PTDSS2: variants seen among roughly 807,000 people sequenced by gnomAD.
PTDSS2 encodes PSS-2.
In PTDSS2, 41 loss-of-function variants were observed where a neutral mutation model predicts 64.7. The observed-to-expected ratio is 0.63, with a 90% confidence interval of 0.49 to 0.82. The LOEUF (loss-of-function observed/expected upper bound fraction) is 0.82, where lower values mean the gene tolerates loss of function less well. PTDSS2 is among the 40% of genes least tolerant of loss of function. The pLI is 0.00. For missense variants in PTDSS2, 485 were observed against 650.0 expected, an observed-to-expected ratio of 0.75 and a Z score of 2.76; for synonymous variants, 297 against 277.8, an observed-to-expected ratio of 1.07 and a Z score of -0.69.
intron 1 of PTDSS2, among the ~76,000 whole-genome samples, chr11:452,517 G>A (rs1846383259): frequency 1.3e-5 from 2 of 152,232 alleles, no homozygotes; most frequent in South Asian, 2.1e-4. Flanking sequence ...ACGGCTGGGC[G>A]CAGCAGAGCT....
intron 2 of PTDSS2, among the ~76,000 whole-genome samples, chr11:473,119 C>A (rs1443798549): frequency 1.3e-5 from 2 of 152,262 alleles, no homozygotes; most frequent in African/African-American, 4.8e-5. Flanking sequence ...CCGGCCTAAG[C>A]TGCTGCTCAC....
intron 1 of PTDSS2, among the ~76,000 whole-genome samples, chr11:452,952 A>G (rs1846410090): frequency 6.6e-6 from 1 of 151,854 alleles, no homozygotes; most frequent in South Asian, 2.1e-4. Flanking sequence ...GCTGGTCTTC[A>G]ACTCCTGGCC....
upstream of PTDSS2, chr11:448,469 G>C (rs772324612): frequency 6.6e-6 from 1 of 152,228 alleles, no homozygotes. Flanking sequence ...GGACCTGAAG[G>C]ATGGTTCACA....
At chr11:464,427 C>T (rs1336697366) in intron 2 of PTDSS2, among the ~76,000 whole-genome samples, 2 of 152,056 alleles carry the variant, frequency 1.3e-5, no homozygotes, top group Admixed American at 1.3e-4. Context: ...GTTCACTGTT[C>T]CCTGCGCTCA....
intron 1 of PTDSS2, among the ~76,000 whole-genome samples, chr11:458,406 C>T (rs370251175): frequency 2.0e-5 from 3 of 151,488 alleles, no homozygotes; most frequent in South Asian, 2.1e-4. Context: ...GGGGTTTCAC[C>T]GTGTTAGCCA....
intron 11 of PTDSS2, 86 bp from the exon 12 acceptor site, chr11:490,334 C>T: frequency 6.3e-7 from 1 of 1,582,680 alleles, no homozygotes; most frequent in Admixed American, 1.7e-5. Flanking sequence ...TTCCGGACCT[C>T]CACAGGGACT....
Position 479,209 on chromosome 11 carries a change from G to A in PTDSS2, c.435+57G>A, listed in dbSNP as rs377085819. 1.4e-6 allele frequency: 2 copies of A among 1,423,844 alleles called. No homozygotes were observed. Among genetic ancestry groups the A allele is most frequent in the Non-Finnish European group, 2.0e-6 (2 of 1,006,416 alleles). 88.2% of individuals were successfully genotyped at this position (1,423,844 alleles called of 1,614,324 possible). A position where few individuals can be genotyped will look rare whatever the true frequency, so the allele number is the denominator to read the frequency against. On this transcript the variant is annotated intron_variant, in intron 4 of 11. Transcript: ENST00000308020. This position sits in a 1 kb window ranked among gnomAD's most constrained non-coding sequence, Gnocchi z 4.2. ...AACTTAGGTGACAGTGTGGCCCCAG[G>A]CATGGTGACAAAGGAGGCCTTGCCC...
chr11:473,797 C>T, intron 2 of PTDSS2, 98 bp from the exon 3 acceptor site: 1 of 924,276 alleles, frequency 1.1e-6, no homozygotes, highest in South Asian at 1.3e-5. Flanking sequence ...GCATCAGGGG[C>T]TGTTCCACAA....
At chr11:473,065 G>A (rs1002979512) in intron 2 of PTDSS2, among the ~76,000 whole-genome samples, 1 of 152,212 alleles carries the variant, frequency 6.6e-6, no homozygotes, top group African/African-American at 2.4e-5. Flanking sequence ...TGCAGCGAGC[G>A]GATGTGAGCA....
At chr11:482,375 A>C (rs1848113039) in intron 4 of PTDSS2, among the ~76,000 whole-genome samples, 1 of 152,138 alleles carries the variant, frequency 6.6e-6, no homozygotes, top group Non-Finnish European at 1.5e-5. Flanking sequence ...GGAACATGCT[A>C]CCACACCCGA....
At position 460,854 on chromosome 11, in the gene PTDSS2, G is replaced by C. The variant is rs1040978108; in HGVS notation, c.284+566G>C. On this transcript the variant is annotated intron_variant, in intron 2 of 11. Coordinates refer to ENST00000308020, the MANE Select transcript of PTDSS2 (RefSeq NM_030783.3). The surrounding 1 kb of genome is among the most constrained non-coding windows in gnomAD (Gnocchi z 5.8). ...GCCAGTCTCAGAAGTGCGTGTGGAAGAGAAGCTGGTTTTAGAGCCTGTGAA... is the reference window on the plus strand; with the variant it reads ...GCCAGTCTCAGAAGTGCGTGTGGAACAGAAGCTGGTTTTAGAGCCTGTGAA... 1 of 153,138 alleles carries C rather than the reference G, an allele frequency of 6.5e-6. No homozygotes were observed. Among genetic ancestry groups the C allele is most frequent in the Non-Finnish European group, 1.5e-5 (1 of 68,692 alleles). The allele number at this position is 153,138 out of a possible 1,614,324, so 9.5% of individuals were successfully genotyped here. A position where few individuals can be genotyped will look rare whatever the true frequency, so the allele number is the denominator to read the frequency against.
intron 2 of PTDSS2, among the ~76,000 whole-genome samples, chr11:472,017 CGGCCTGGGGTG>C (rs1847481000): frequency 8.7e-6 from 1 of 115,572 alleles, no homozygotes; most frequent in Non-Finnish European, 1.7e-5. Context: ...ACGCGGATGG[CGGCCTGGGGTG>C]ATGCGCGCCT....
upstream of PTDSS2, among the ~76,000 whole-genome samples, chr11:448,618 C>A (rs1397547516): frequency 1.3e-5 from 2 of 152,214 alleles, no homozygotes; most frequent in East Asian, 3.8e-4. Flanking sequence ...AACAGCACGC[C>A]CCCTGGAGCC....
chr11:454,876 G>T (rs1846516291), intron 1 of PTDSS2, among the ~76,000 whole-genome samples: 2 of 152,218 alleles, frequency 1.3e-5, no homozygotes, highest in South Asian at 4.1e-4. Flanking sequence ...GGTGCTGGTG[G>T]GACACAGGCT....
rs780127652 is a variant in PTDSS2 at position 460,199 on chromosome 11, C to G, written c.195C>G (p.Thr65=). ...TTTTGGATTTCAGGCGAGCCCACAC[C>G]TTAACCGTGCTCTTCATCCTCACCT... The part of the protein sequence containing the change: ...GTNTFFWRAH[T]LTVLFILTCT... The change falls in exon 2 of 12, where the codon ACC becomes ACG. Residue 65 remains threonine (T), a synonymous_variant. Coordinates refer to ENST00000308020, the MANE Select transcript of PTDSS2 (RefSeq NM_030783.3). This position sits in a 1 kb window ranked among gnomAD's most constrained non-coding sequence, Gnocchi z 5.8. 1.2e-6 allele frequency: 2 copies of G among 1,614,042 alleles called. No individual in the cohort carries two copies. The highest frequency in any genetic ancestry group is 8.5e-7 in the Non-Finnish European group (1 of 1,180,012).
intron 4 of PTDSS2, among the ~76,000 whole-genome samples, chr11:486,309 G>A (rs1278100849): frequency 6.6e-6 from 1 of 152,174 alleles, no homozygotes; most frequent in Non-Finnish European, 1.5e-5. Flanking sequence ...CGGGGTGGGG[G>A]CGGCGCGCCG....
rs371669720 is a variant in PTDSS2, at chr11:479,168, G to A, written c.435+16G>A. On this transcript the variant is annotated intron_variant, in intron 4 of 11. Transcript: ENST00000308020. The surrounding 1 kb of genome is among the most constrained non-coding windows in gnomAD (Gnocchi z 4.2). Reference sequence around the variant, plus strand: ...ACTCTTCCAGGTAAGCTGTTTTTCTGGGTTGGATACCTGGGAACTTAGGTG... The same window carrying A: ...ACTCTTCCAGGTAAGCTGTTTTTCTAGGTTGGATACCTGGGAACTTAGGTG... The A allele has an allele frequency of 1.3e-5, 21 of 1,609,144 alleles. 1 individual carries two copies. Among genetic ancestry groups the A allele is most frequent in the Middle Eastern group, 1.6e-4 (1 of 6,072 alleles).
At chr11:473,337 T>C (rs979816137) in intron 2 of PTDSS2, among the ~76,000 whole-genome samples, 2 of 152,192 alleles carry the variant, frequency 1.3e-5, no homozygotes, top group Non-Finnish European at 1.5e-5. Context: ...ACACAGGAGC[T>C]CTCTAGAGAC....
intron 4 of PTDSS2, among the ~76,000 whole-genome samples, chr11:485,183 G>A (rs1403678479): frequency 1.4e-5 from 2 of 144,048 alleles, no homozygotes; most frequent in African/African-American, 2.6e-5. Flanking sequence ...CTGCGCAGGC[G>A]AGTGTAAACT....
Sources: gnomAD v4.1 joint callset for allele counts (sites outside exome capture counted in the v4.1 genomes callset) on GRCh38, gnomAD v4.1.1 for gene constraint, Gnocchi (gnomAD v3.1) non-coding constraint, MANE v1.5 for transcripts, NCBI Gene and HGNC (gene_info 2026-07-23, HGNC 2026-07-21) for gene names.